The following ADAM12 variants were observed in gnomAD, a reference collection of about 807,000 sequenced individuals.
The protein encoded by ADAM12 is ADAM metallopeptidase domain 12.
In ADAM12, 70 loss-of-function variants were observed where a neutral mutation model predicts 106.4. The ratio of observed to expected loss-of-function variants is 0.66; its 90% CI spans 0.54 to 0.80. The LOEUF (loss-of-function observed/expected upper bound fraction) is 0.80, where lower values mean the gene tolerates loss of function less well. Among genes scored for constraint, ADAM12 ranks in the 30% least tolerant of loss-of-function variants. The pLI is 0.00. For missense variants in ADAM12, 1,010 were observed against 1,171.9 expected, an observed-to-expected ratio of 0.86 and a Z score of 2.02; for synonymous variants, 420 against 433.5, an observed-to-expected ratio of 0.97 and a Z score of 0.39.
chr10:126,301,745 G>A (rs969123115), intron 2 of ADAM12, among the ~76,000 whole-genome samples: 6 of 152,092 alleles, frequency 3.9e-5, no homozygotes, highest in African/African-American at 7.2e-5. Context: ...CAACCATTAC[G>A]AGTCCACTAA....
intron 1 of ADAM12, among the ~76,000 whole-genome samples, chr10:126,356,965 G>A (rs1204060953): frequency 6.6e-6 from 1 of 152,068 alleles, no homozygotes; most frequent in Non-Finnish European, 1.5e-5. Context: ...GGGAATTATG[G>A]AATACCATCA....
At chr10:126,125,963 T>G (rs567616944) in intron 5 of ADAM12, among the ~76,000 whole-genome samples, 1 of 152,030 alleles carries the variant, frequency 6.6e-6, no homozygotes, top group African/African-American at 2.4e-5. Context: ...GAGGGAGATG[T>G]GGGAGGGATT....
At chr10:126,377,119 A>G (rs1317484463) in intron 1 of ADAM12, among the ~76,000 whole-genome samples, 2 of 152,202 alleles carry the variant, frequency 1.3e-5, no homozygotes, top group African/African-American at 4.8e-5. Flanking sequence ...ATGGTTAGTT[A>G]CTTTCTCAAC....
rs1162063081 is a variant in ADAM12 at position 126,064,906 on chromosome 10, C to G, written c.1509G>C (p.Val503=). The G allele has an allele frequency of 6.2e-7, 1 of 1,613,194 alleles. No individual in the cohort carries two copies. ...GACATGAGTGCCCATCGTGCAGGTA[C>G]ACGTTGGCTGGGCAGTGAGGGCTGG... is the stretch of plus-strand genomic sequence containing the variant. ...TGASPHCPAN[V]YLHDGHSCQD... is the part of the protein sequence containing the mutation. The change falls in exon 14 of 23, where the codon GTG becomes GTC. Residue 503 remains valine, a synonymous_variant. Transcript: ENST00000448723. The surrounding 1 kb of genome is among the most constrained non-coding windows in gnomAD (Gnocchi z 4.4).
chr10:126,158,602 G>A lies in ADAM12; in HGVS notation c.261-3297C>T, dbSNP rs1293200566. Among the ~76,000 whole-genome samples, 3 of 134,774 alleles carry A rather than the reference G, an allele frequency of 2.2e-5. 1 individual carries two copies. The highest frequency in any genetic ancestry group is 5.2e-4 in the South Asian group (2 of 3,862). 88.4% of individuals were successfully genotyped at this position (134,774 alleles called of 152,430 possible). On this transcript the variant is annotated intron_variant, in intron 3 of 22. Transcript: ENST00000448723. Reference sequence around the variant, plus strand: ...GCCGGGGGTGGGGATGCAGAGAGCAGAGGCGGGGAGGATGCAGAGAGCATG... The same window carrying A: ...GCCGGGGGTGGGGATGCAGAGAGCAAAGGCGGGGAGGATGCAGAGAGCATG...
intron 21 of ADAM12, among the ~76,000 whole-genome samples, chr10:126,028,813 C>T (rs1297487027): frequency 6.6e-6 from 1 of 151,570 alleles, no homozygotes; most frequent in Non-Finnish European, 1.5e-5. Flanking sequence ...GTGTCTGCAG[C>T]AAAAGAAACA....
At chr10:126,240,679 A>G (rs1210820104) in intron 3 of ADAM12, among the ~76,000 whole-genome samples, 1 of 152,222 alleles carries the variant, frequency 6.6e-6, no homozygotes, top group African/African-American at 2.4e-5. Context: ...AACACAAGTG[A>G]TCCTGCGGTG....
intron 3 of ADAM12, among the ~76,000 whole-genome samples, chr10:126,166,822 T>C (rs1213953185): frequency 6.6e-6 from 1 of 152,098 alleles, no homozygotes; most frequent in African/African-American, 2.4e-5. Flanking sequence ...CTTCCTAGTA[T>C]AAGATCTATC....
chr10:126,195,578 C>T (rs1209457937), intron 3 of ADAM12, among the ~76,000 whole-genome samples: 1 of 151,964 alleles, frequency 6.6e-6, no homozygotes, highest in Non-Finnish European at 1.5e-5. Flanking sequence ...CCATCCCCCA[C>T]CCAAAAAACA....
chr10:126,304,894 A>G (rs1848533867), intron 2 of ADAM12, among the ~76,000 whole-genome samples: 1 of 152,070 alleles, frequency 6.6e-6, no homozygotes, highest in Admixed American at 6.6e-5. Context: ...TGAGATACCA[A>G]TATCCAACCA....
intron 1 of ADAM12, among the ~76,000 whole-genome samples, chr10:126,343,851 C>G (rs1369051037): frequency 6.6e-6 from 1 of 152,150 alleles, no homozygotes; most frequent in Non-Finnish European, 1.5e-5. Flanking sequence ...CTGTTCATAT[C>G]CTTCACCCAC....
intron 1 of ADAM12, among the ~76,000 whole-genome samples, chr10:126,366,968 C>A (rs1014452082): frequency 6.6e-6 from 1 of 152,038 alleles, no homozygotes; most frequent in African/African-American, 2.4e-5. Context: ...GATAAATTGG[C>A]AACTTCAGTT....
Position 126,039,284 on chromosome 10 carries a change from C to G in ADAM12, c.2240+10G>C. 6.2e-7 allele frequency: 1 copy of G among 1,613,468 alleles called. No individual in the cohort carries two copies. Among genetic ancestry groups the G allele is most frequent in the Non-Finnish European group, 8.5e-7 (1 of 1,179,648 alleles). ...TTTCTAGAACAGATGACAAGCTAAA[C>G]CCAGGGTACCTTAGTTTTTCAATGG... On this transcript the variant is annotated intron_variant, in intron 19 of 22. Coordinates refer to ENST00000448723, the MANE Select transcript of ADAM12 (RefSeq NM_001288973.2).
intron 3 of ADAM12, among the ~76,000 whole-genome samples, chr10:126,187,169 T>A (rs1957413739): frequency 1.3e-5 from 2 of 152,184 alleles, no homozygotes; most frequent in South Asian, 4.1e-4. Context: ...TGGGAATTAC[T>A]ACATCAGTAA....
intron 3 of ADAM12, among the ~76,000 whole-genome samples, chr10:126,174,471 C>T (rs1003402302): frequency 1.1e-4 from 17 of 152,178 alleles, no homozygotes; most frequent in African/African-American, 3.6e-4. Context: ...AGTTCAGGGC[C>T]GGGGCTTGCA....
chr10:126,113,151 G>A (rs1471983349), intron 6 of ADAM12, among the ~76,000 whole-genome samples: 1 of 152,204 alleles, frequency 6.6e-6, no homozygotes, highest in Non-Finnish European at 1.5e-5. Flanking sequence ...TGTGGGAACA[G>A]TGTTTCAGGT....
intron 21 of ADAM12, among the ~76,000 whole-genome samples, chr10:126,029,333 T>G (rs1218375290): frequency 6.6e-6 from 1 of 152,128 alleles, no homozygotes; most frequent in African/African-American, 2.4e-5. Context: ...AGACATGGAA[T>G]CAACCTAAGT....
At chr10:126,288,075 C>A (rs1959960184) in intron 2 of ADAM12, among the ~76,000 whole-genome samples, 1 of 152,014 alleles carries the variant, frequency 6.6e-6, no homozygotes, top group South Asian at 2.1e-4. Context: ...ATAACAGTGG[C>A]CTCCAGTCCC....
In ADAM12 at chr10:126,014,861, A is replaced by G. The variant is rs559070272; in HGVS notation, c.*2418T>C. 2.0e-5 allele frequency: 3 copies of G among 151,270 alleles called. No individual in the cohort carries two copies. Among genetic ancestry groups the G allele is most frequent in the Admixed American group, 6.5e-5 (1 of 15,282 alleles). 9.4% of individuals were successfully genotyped at this position (151,270 alleles called of 1,614,324 possible). On this transcript the variant is annotated 3_prime_UTR_variant, in exon 23 of 23. Coordinates refer to ENST00000448723, the MANE Select transcript of ADAM12 (RefSeq NM_001288973.2). The stretch of plus-strand genomic sequence containing the variant: ...AAAAATACTAGATTGCCATTGAAAT[A>G]TAAGTATTGATTTTTTTTGTTTTGA...
Sources: gnomAD v4.1 joint callset for allele counts (sites outside exome capture counted in the v4.1 genomes callset) on GRCh38, gnomAD v4.1.1 for gene constraint, Gnocchi (gnomAD v3.1) non-coding constraint, MANE v1.5 for transcripts, NCBI Gene and HGNC (gene_info 2026-07-23, HGNC 2026-07-21) for gene names.